SLC28A3: variants seen among roughly 807,000 people sequenced by gnomAD.
SLC28A3 encodes concentrative Na(+)-nucleoside cotransporter 3.
In SLC28A3, 68 loss-of-function variants were observed where a neutral mutation model predicts 84.2. That is an observed-to-expected ratio of 0.81 (90% CI 0.66 to 0.99). The LOEUF (loss-of-function observed/expected upper bound fraction) is 0.99, where lower values mean the gene tolerates loss of function less well. Among genes scored for constraint, SLC28A3 ranks in the 50% least tolerant of loss-of-function variants. SLC28A3 has a pLI of 0.00. For missense variants in SLC28A3, 712 were observed against 841.5 expected (o/e 0.85, Z 1.90); for synonymous variants, 267 against 303.6 (o/e 0.88, Z 1.25).
chr9:84,340,209 C>A (rs546310017), intron 1 of SLC28A3, among the ~76,000 whole-genome samples: 7 of 152,108 alleles, frequency 4.6e-5, no homozygotes, highest in African/African-American at 1.4e-4. Flanking sequence ...TAAAAGGAAC[C>A]CTGAGACACT....
intron 1 of SLC28A3, among the ~76,000 whole-genome samples, chr9:84,328,529 C>T (rs370847939): frequency 2.6e-5 from 4 of 151,902 alleles, no homozygotes; most frequent in African/African-American, 9.7e-5. Flanking sequence ...GAGGCTGAGG[C>T]GGGTGGATCA....
At chr9:84,321,761 A>G (rs1455051965) in intron 1 of SLC28A3, among the ~76,000 whole-genome samples, 2 of 148,230 alleles carry the variant, frequency 1.3e-5, no homozygotes, top group African/African-American at 5.0e-5. Flanking sequence ...AAAAAGAAAC[A>G]TTATACACTG....
chr9:84,362,373 T>C, the SLC28A3 span, among the ~76,000 whole-genome samples: 1 of 152,298 alleles, frequency 6.6e-6, no homozygotes, highest in South Asian at 2.1e-4. Flanking sequence ...GGCTCACACC[T>C]GTAATCCCAG....
chr9:84,336,436 G>A (rs563637011), intron 1 of SLC28A3, among the ~76,000 whole-genome samples: 1 of 152,238 alleles, frequency 6.6e-6, no homozygotes, highest in Non-Finnish European at 1.5e-5. Flanking sequence ...CCCAGGAGGT[G>A]GAGGTTGCAG....
intron 9 of SLC28A3, among the ~76,000 whole-genome samples, 181 bp from the exon 10 acceptor site, chr9:84,292,929 C>T (rs1185846709): frequency 1.3e-5 from 2 of 152,184 alleles, no homozygotes; most frequent in African/African-American, 4.8e-5. Flanking sequence ...CCAAGCAAAT[C>T]CTCTTATTGG....
In SLC28A3 at chr9:84,280,840, C is replaced by G. The variant is rs771663064; in HGVS notation, c.1690G>C (p.Ala564Pro). The G allele has an allele frequency of 6.2e-7, 1 of 1,614,028 alleles. No individual in the cohort carries two copies. The highest frequency in any genetic ancestry group is 1.3e-5 in the African/African-American group (1 of 74,978). The change falls in exon 15 of 18, where the codon GCC (alanine) becomes CCC (proline). Residue 564 changes from alanine (A) to proline (P), a missense_variant. Physicochemically the swap from Ala to Pro is conservative, Grantham distance 27. Coordinates refer to ENST00000376238, the MANE Select transcript of SLC28A3 (RefSeq NM_001199633.2). Reference protein sequence around the residue: ...IIATYALCGFANIGSLGIVIG... With the variant: ...IIATYALCGFPNIGSLGIVIG... ...ACGATTCCTAGGGACCCGATATTGG[C>G]AAAACCACAGAGAGCGTAAGTGGCG...
intron 1 of SLC28A3, among the ~76,000 whole-genome samples, chr9:84,337,063 C>G (rs1309404341): frequency 6.6e-6 from 1 of 151,960 alleles, no homozygotes; most frequent in East Asian, 1.9e-4. Context: ...AAGGCCAAAG[C>G]AGGAGGATTG....
At chr9:84,289,148 C>T (rs902832424) in intron 11 of SLC28A3, among the ~76,000 whole-genome samples, 8 of 152,182 alleles carry the variant, frequency 5.3e-5, no homozygotes, top group African/African-American at 1.9e-4. Context: ...CTGTTCCCCC[C>T]AGAACATTTT....
upstream of SLC28A3, among the ~76,000 whole-genome samples, chr9:84,341,883 C>T (rs912205333): frequency 1.3e-5 from 2 of 152,130 alleles, no homozygotes; most frequent in Admixed American, 1.3e-4. Context: ...AATCCCAGCA[C>T]TTTGGGAGCC....
chr9:84,342,099 A>G (rs1181025100), upstream of SLC28A3, among the ~76,000 whole-genome samples: 2 of 146,268 alleles, frequency 1.4e-5, no homozygotes, highest in African/African-American at 5.2e-5. Context: ...GCTGCCTCCC[A>G]TCTGGATGAC....
At chr9:84,330,082 G>A (rs4242628) in intron 1 of SLC28A3, among the ~76,000 whole-genome samples, 62,134 of 151,550 alleles carry the variant, frequency 0.41, 14,822 homozygotes, top group Middle Eastern at 0.56. Context: ...GAAGATTATC[G>A]TGGAGACAAA....
the SLC28A3 span, among the ~76,000 whole-genome samples, chr9:84,350,025 C>T: frequency 1.3e-5 from 2 of 152,220 alleles, no homozygotes; most frequent in East Asian, 1.9e-4. Flanking sequence ...TATGGTATAG[C>T]CTGTGGCTCC....
intron 1 of SLC28A3, among the ~76,000 whole-genome samples, chr9:84,325,467 C>T (rs895028547): frequency 1.3e-5 from 2 of 152,048 alleles, no homozygotes; most frequent in African/African-American, 4.8e-5. Flanking sequence ...ACTCCCTGAC[C>T]CTGAAAGTAG....
At chr9:84,321,760 C>T (rs944187400) in intron 1 of SLC28A3, among the ~76,000 whole-genome samples, 5 of 125,874 alleles carry the variant, frequency 4.0e-5, no homozygotes, top group Non-Finnish European at 8.3e-5. Context: ...AAAAAAGAAA[C>T]ATTATACACT....
chr9:84,350,632 CTT>C, the SLC28A3 span, among the ~76,000 whole-genome samples: 1 of 151,950 alleles, frequency 6.6e-6, no homozygotes, highest in African/African-American at 2.4e-5. Context: ...ATAATGTAGA[CTT>C]TATATAAACA....
At chr9:84,302,491 A>T (rs1189500844) in intron 4 of SLC28A3, 102 bp from the exon 5 acceptor site, 1 of 1,088,022 alleles carries the variant, frequency 9.2e-7, no homozygotes, top group African/African-American at 1.6e-5. Flanking sequence ...GTTTAATATC[A>T]TTAAATATCA....
chr9:84,334,059 CT>C (rs1445128931), intron 1 of SLC28A3, among the ~76,000 whole-genome samples: 1 of 152,200 alleles, frequency 6.6e-6, no homozygotes, highest in Non-Finnish European at 1.5e-5. Flanking sequence ...AATCCCAACA[CT>C]TTGGGAGGCC....
At chr9:84,338,996 C>T (rs1433007686) in intron 1 of SLC28A3, among the ~76,000 whole-genome samples, 1 of 152,128 alleles carries the variant, frequency 6.6e-6, no homozygotes, top group African/African-American at 2.4e-5. Context: ...AGGAAGAGAG[C>T]AACCCTTATC....
intron 8 of SLC28A3, among the ~76,000 whole-genome samples, chr9:84,295,756 C>T (rs1243347850): frequency 6.6e-6 from 1 of 152,158 alleles, no homozygotes; most frequent in Non-Finnish European, 1.5e-5. Flanking sequence ...CCTCCTCAGC[C>T]TCATCCTACT....
Sources: gnomAD v4.1 joint callset for allele counts (sites outside exome capture counted in the v4.1 genomes callset) on GRCh38, gnomAD v4.1.1 for gene constraint, MANE v1.5 for transcripts, NCBI Gene and HGNC (gene_info 2026-07-23, HGNC 2026-07-21) for gene names.